Variants in HPSE2 observed in about 807,000 individuals in gnomAD.
HPSE2 encodes the protein heparanase 2 (inactive).
HPSE2 carries 38 observed loss-of-function variants against 60.5 expected under a neutral mutation model. That is an observed-to-expected ratio of 0.63 (90% confidence interval 0.48 to 0.82). HPSE2 has a LOEUF of 0.82. HPSE2 is among the 40% of genes least tolerant of loss of function. HPSE2 has a pLI of 0.00. For missense variants in HPSE2, 713 were observed against 740.4 expected (o/e 0.96, Z 0.43); for synonymous variants, 295 against 293.2 (o/e 1.01, Z -0.06).
intron 2 of HPSE2, among the ~76,000 whole-genome samples, chr10:99,171,230 G>A (rs1197289482): frequency 6.6e-6 from 1 of 152,212 alleles, no homozygotes; most frequent in Non-Finnish European, 1.5e-5. Flanking sequence ...ACCAAGACAT[G>A]TGCTAATTCA....
intron 3 of HPSE2, among the ~76,000 whole-genome samples, chr10:98,806,666 CTTAG>C (rs1039787281): frequency 3.5e-4 from 54 of 152,276 alleles, no homozygotes; most frequent in African/African-American, 1.3e-3. Flanking sequence ...ATAGTCACTA[CTTAG>C]TTAAATGGAT....
intron 3 of HPSE2, among the ~76,000 whole-genome samples, chr10:98,798,784 C>T (rs1950839511): frequency 6.6e-6 from 1 of 151,878 alleles, no homozygotes; most frequent in Non-Finnish European, 1.5e-5. Context: ...GAGAAAATCA[C>T]CTTCACTAAA....
At chr10:98,578,536 G>A (rs1944703165) in intron 9 of HPSE2, among the ~76,000 whole-genome samples, 1 of 151,886 alleles carries the variant, frequency 6.6e-6, no homozygotes, top group South Asian at 2.1e-4. Context: ...TTTTTAATAG[G>A]AACAAAAATG....
At chr10:98,589,760 C>T (rs117643638) in intron 9 of HPSE2, among the ~76,000 whole-genome samples, 1 of 152,306 alleles carries the variant, frequency 6.6e-6, no homozygotes, top group East Asian at 1.9e-4. Flanking sequence ...TACCTATATT[C>T]CCTTCATAGT....
chr10:98,516,659 T>C (rs1366870200), intron 9 of HPSE2, among the ~76,000 whole-genome samples: 1 of 152,154 alleles, frequency 6.6e-6, no homozygotes, highest in African/African-American at 2.4e-5. Context: ...ACTGGCTGAA[T>C]TACATGCAGG....
intron 9 of HPSE2, among the ~76,000 whole-genome samples, chr10:98,551,635 C>T (rs1188633671): frequency 6.6e-6 from 1 of 152,204 alleles, no homozygotes; most frequent in Non-Finnish European, 1.5e-5. Context: ...TCTGAAGAGA[C>T]TGTTCCTGCT....
At chr10:98,949,046 G>A (rs1955272704) in intron 3 of HPSE2, among the ~76,000 whole-genome samples, 2 of 151,786 alleles carry the variant, frequency 1.3e-5, no homozygotes, top group Non-Finnish European at 2.9e-5. Context: ...TTTGCTGCAC[G>A]GGGAGTTGGT....
chr10:98,778,308 G>C (rs75666519), intron 3 of HPSE2, among the ~76,000 whole-genome samples: 1,924 of 150,762 alleles, frequency 0.013, 40 homozygotes, highest in African/African-American at 0.044. Context: ...AAGCAAGAAA[G>C]ACCTGTTAGC....
Position 98,673,800 on chromosome 10 carries a change from T to C in HPSE2, c.1004+20100A>G, listed in dbSNP as rs148565200. 1.2e-3 allele frequency among the ~76,000 whole-genome samples: 176 copies of C among 152,246 alleles called. 1 individual carries two copies. Among genetic ancestry groups the C allele is most frequent in the African/African-American group, 4.0e-3 (167 of 41,552 alleles). On this transcript the variant is annotated intron_variant, in intron 6 of 11. Transcript: ENST00000370552. The stretch of plus-strand genomic sequence containing the variant: ...AAAAGCATGAACTCCACTCCATAAA[T>C]AGACCTCAGTTAAATCCTGGACCAC...
chr10:98,767,614 A>T (rs1950149841), intron 3 of HPSE2, among the ~76,000 whole-genome samples: 1 of 132,054 alleles, frequency 7.6e-6, no homozygotes, highest in Non-Finnish European at 1.5e-5. Flanking sequence ...TAACATGTAT[A>T]GTATATGTTA....
At chr10:98,723,504 T>C (rs1254986269) in intron 4 of HPSE2, among the ~76,000 whole-genome samples, 1 of 152,188 alleles carries the variant, frequency 6.6e-6, no homozygotes, top group Non-Finnish European at 1.5e-5. Context: ...GGATTCCCTC[T>C]TTTTCTATTG....
At position 98,458,802 on chromosome 10, in the gene HPSE2, C is replaced by T. The variant is rs1221281162; in HGVS notation, c.*772G>A. On this transcript the variant is annotated 3_prime_UTR_variant, in exon 12 of 12. Transcript: ENST00000370552. ...ACTTTTTGTTGTGCCTAATAAACTGCTCTCCACTCAATGAATATTGTTACT... is the reference window on the plus strand; with the variant it reads ...ACTTTTTGTTGTGCCTAATAAACTGTTCTCCACTCAATGAATATTGTTACT... The T allele has an allele frequency of 6.5e-6, 1 of 153,578 alleles. No individual in the cohort carries two copies. Among genetic ancestry groups the T allele is most frequent in the Non-Finnish European group, 1.4e-5 (1 of 69,000 alleles). 9.5% of individuals were successfully genotyped at this position (153,578 alleles called of 1,614,324 possible). A position where few individuals can be genotyped will look rare whatever the true frequency, so the allele number is the denominator to read the frequency against.
At chr10:99,268,743 C>T in the HPSE2 span, among the ~76,000 whole-genome samples, 3 of 150,532 alleles carry the variant, frequency 2.0e-5, no homozygotes, top group African/African-American at 7.3e-5. Context: ...AAATAAATAA[C>T]AAGGTATTCA....
chr10:98,700,398 A>T (rs1291323268), intron 5 of HPSE2, among the ~76,000 whole-genome samples: 2 of 141,880 alleles, frequency 1.4e-5, no homozygotes, highest in African/African-American at 2.5e-5. Context: ...TGGGGAAAGG[A>T]TTCCCTATTT....
chr10:98,834,470 T>C (rs1476234160), intron 3 of HPSE2, among the ~76,000 whole-genome samples: 5 of 152,194 alleles, frequency 3.3e-5, no homozygotes, highest in African/African-American at 1.2e-4. Context: ...AAAAGTATTA[T>C]GACCATTTAA....
At chr10:98,691,919 A>T (rs1948086605) in intron 6 of HPSE2, among the ~76,000 whole-genome samples, 1 of 152,164 alleles carries the variant, frequency 6.6e-6, no homozygotes, top group East Asian at 1.9e-4. Flanking sequence ...TGTCATTGTT[A>T]TTTTTTCCAC....
intron 3 of HPSE2, among the ~76,000 whole-genome samples, chr10:98,949,598 A>G (rs1394248199): frequency 1.3e-5 from 2 of 152,162 alleles, no homozygotes; most frequent in Non-Finnish European, 2.9e-5. Flanking sequence ...CTGAGCCTCA[A>G]TTGCACCCCT....
chr10:98,620,738 A>T (rs1287190260), intron 7 of HPSE2, 30 bp from the exon 8 acceptor site: 1 of 1,476,058 alleles, frequency 6.8e-7, no homozygotes, highest in Non-Finnish European at 9.5e-7. Flanking sequence ...AGAAGGGGAT[A>T]ACGAGGTTTT....
chr10:98,921,606 C>T (rs2135064785), intron 3 of HPSE2, among the ~76,000 whole-genome samples: 1 of 152,310 alleles, frequency 6.6e-6, no homozygotes, highest in South Asian at 2.1e-4. Context: ...CATAAAAACA[C>T]ATCTGTAAAC....
Sources: allele counts gnomAD v4.1 joint callset (sites outside exome capture counted in the v4.1 genomes callset), GRCh38; gene constraint gnomAD v4.1.1; transcripts MANE v1.5; gene names NCBI Gene and HGNC (gene_info 2026-07-23, HGNC 2026-07-21).